Variants in PRDM16 observed in about 807,000 individuals in gnomAD.
PRDM16 encodes PR/SET domain 16.
A neutral mutation model predicts 110.6 loss-of-function variants in PRDM16; 23 were observed. The observed-to-expected ratio is 0.21, with a 90% CI of 0.15 to 0.29. The LOEUF (loss-of-function observed/expected upper bound fraction) is 0.29. Among genes scored for constraint, PRDM16 ranks in the 10% least tolerant of loss-of-function variants. The pLI, the probability that PRDM16 is intolerant of heterozygous loss-of-function variation, is 1.00. For synonymous variants in PRDM16, 799 were observed against 781.8 expected, an observed-to-expected ratio of 1.02 and a Z score of -0.37; for missense variants, 1,615 against 1,794.3, an observed-to-expected ratio of 0.90 and a Z score of 1.81.
chr1:3,187,245 G>A (rs568168273), intron 2 of PRDM16, among the ~76,000 whole-genome samples: 8 of 152,318 alleles, frequency 5.3e-5, no homozygotes, highest in Non-Finnish European at 1.2e-4. Context: ...CTTCCTGGTG[G>A]GCCCTGGCCC....
chr1:3,111,466 T>TGGGGAGGAGGAGGGAGGCGG (rs149780091), intron 1 of PRDM16, among the ~76,000 whole-genome samples: 2 of 105,858 alleles, frequency 1.9e-5, no homozygotes, highest in African/African-American at 3.8e-5. Flanking sequence ...CGGACTCCTG[T>TGGGGAGGAGGAGGGAGGCGG]GGGGAGGAGG....
intron 1 of PRDM16, among the ~76,000 whole-genome samples, chr1:3,104,811 A>C (rs1351641520): frequency 1.3e-5 from 2 of 152,038 alleles, no homozygotes; most frequent in African/African-American, 4.8e-5. Context: ...CCTGAAGGGC[A>C]GGGATGCTTC....
At chr1:3,365,739 T>C (rs1642798207) in intron 3 of PRDM16, among the ~76,000 whole-genome samples, 1 of 152,234 alleles carries the variant, frequency 6.6e-6, no homozygotes, top group Admixed American at 6.5e-5. Context: ...CGGCCTCGTT[T>C]CCATTCTGCA....
intron 1 of PRDM16, among the ~76,000 whole-genome samples, chr1:3,141,381 C>T (rs571328900): frequency 2.6e-5 from 4 of 152,316 alleles, no homozygotes; most frequent in South Asian, 2.1e-4. Context: ...GGAGGAGGGA[C>T]GGGGGAGCCG....
intron 1 of PRDM16, among the ~76,000 whole-genome samples, chr1:3,106,835 G>A (rs1365441943): frequency 6.6e-6 from 1 of 152,170 alleles, no homozygotes; most frequent in Non-Finnish European, 1.5e-5. Flanking sequence ...TGCCCATAGG[G>A]CTGATAGTGC....
intron 1 of PRDM16, among the ~76,000 whole-genome samples, chr1:3,130,883 T>TG (rs1643320684): frequency 6.6e-6 from 1 of 151,638 alleles, no homozygotes; most frequent in African/African-American, 2.4e-5. Flanking sequence ...CCTTGCTCTA[T>TG]GCTCAGGGCT....
chr1:3,194,565 C>T (rs1638407467), intron 2 of PRDM16, among the ~76,000 whole-genome samples: 1 of 151,700 alleles, frequency 6.6e-6, no homozygotes, highest in Non-Finnish European at 1.5e-5. Context: ...CGGCAACTGG[C>T]CACTGTCTCC....
chr1:3,406,028 G>A (rs191749484), intron 8 of PRDM16, among the ~76,000 whole-genome samples: 6 of 152,330 alleles, frequency 3.9e-5, no homozygotes, highest in African/African-American at 9.6e-5. Flanking sequence ...CCAGAAGGGC[G>A]TGCTTCTGTG....
intron 1 of PRDM16, among the ~76,000 whole-genome samples, chr1:3,121,119 C>T (rs917715750): frequency 1.3e-5 from 2 of 151,910 alleles, no homozygotes; most frequent in African/African-American, 4.8e-5. Flanking sequence ...GAGGAGTCAG[C>T]GGAGGCTGAG....
At chr1:3,095,912 G>T (rs1642387120) in intron 1 of PRDM16, among the ~76,000 whole-genome samples, 1 of 152,044 alleles carries the variant, frequency 6.6e-6, no homozygotes, top group Non-Finnish European at 1.5e-5. Context: ...TGGACTCGAG[G>T]TCCGCTCAGC....
At chr1:3,111,621 G>T (rs1642796656) in intron 1 of PRDM16, among the ~76,000 whole-genome samples, 1 of 152,114 alleles carries the variant, frequency 6.6e-6, no homozygotes, top group Admixed American at 6.5e-5. Context: ...CCCAGCGCAC[G>T]GAAAGGAGGC....
chr1:3,182,065 C>T (rs72846846), intron 1 of PRDM16, among the ~76,000 whole-genome samples: 9,743 of 152,318 alleles, frequency 0.064, 438 homozygotes, highest in East Asian at 0.2. Context: ...CACATTCACA[C>T]GCACTCTGGG....
At chr1:3,283,232 A>T (rs567087934) in intron 3 of PRDM16, among the ~76,000 whole-genome samples, 60 of 152,150 alleles carry the variant, frequency 3.9e-4, no homozygotes, top group Non-Finnish European at 7.5e-4. Flanking sequence ...GCTGCCCATT[A>T]GAGGCGGGGC....
At chr1:3,162,734 C>G (rs1384264786) in intron 1 of PRDM16, among the ~76,000 whole-genome samples, 1 of 152,250 alleles carries the variant, frequency 6.6e-6, no homozygotes, top group Non-Finnish European at 1.5e-5. Context: ...CCTTCACCCT[C>G]CAGTCCTCCT....
rs75214661 is a variant in PRDM16 at position 3,154,037 on chromosome 1, G to A, written c.38-32088G>A. Among the ~76,000 whole-genome samples, 219 of 152,290 alleles carry A rather than the reference G, an allele frequency of 1.4e-3. 4 individuals are homozygous for A. In the East Asian group the frequency reaches 0.038, roughly 26 times the overall value. On this transcript the variant is annotated intron_variant, in intron 1 of 16. Coordinates refer to ENST00000270722, the MANE Select transcript of PRDM16 (RefSeq NM_022114.4). ...AATACAGTAAAATCAGCCCAGGGAC[G>A]GCGCTCCCCTTCCCGTGCACTCTCC...
rs1326495343 is a variant in PRDM16, at chr1:3,425,526, C to G, written c.2940-55C>G. On this transcript the variant is annotated intron_variant, in intron 12 of 16. Transcript: ENST00000270722. The surrounding 1 kb of genome is among the most constrained non-coding windows in gnomAD (Gnocchi z 6.9). The stretch of plus-strand genomic sequence containing the variant: ...TCCCTTCCCCCCACCCTCTGTGGCC[C>G]GGCCTGCCATGCAGAGCCGGGGCCT... 11 of 1,573,354 alleles carry G rather than the reference C, an allele frequency of 7.0e-6. No homozygotes were observed. The highest frequency in any genetic ancestry group is 1.4e-5 in the African/African-American group (1 of 73,862).
chr1:3,381,982 C>A (rs761817781), intron 3 of PRDM16, among the ~76,000 whole-genome samples: 1 of 152,168 alleles, frequency 6.6e-6, no homozygotes, highest in Non-Finnish European at 1.5e-5. Flanking sequence ...GGAGGGGGGG[C>A]CTCGTGGGTC....
chr1:3,135,325 C>T (rs1275007545), intron 1 of PRDM16, among the ~76,000 whole-genome samples: 1 of 152,196 alleles, frequency 6.6e-6, no homozygotes, highest in African/African-American at 2.4e-5. Context: ...ACGTGAGGCC[C>T]TTCATCGTAC....
chr1:3,403,936 C>T (rs1353645483), intron 6 of PRDM16, among the ~76,000 whole-genome samples: 2 of 152,206 alleles, frequency 1.3e-5, no homozygotes, highest in Non-Finnish European at 2.9e-5. Context: ...AGAAAATAAA[C>T]GTTTGGGCAA....
Sources: allele counts gnomAD v4.1 joint callset (sites outside exome capture counted in the v4.1 genomes callset), GRCh38; gene constraint gnomAD v4.1.1; non-coding constraint Gnocchi (gnomAD v3.1); transcripts MANE v1.5; gene names NCBI Gene and HGNC (gene_info 2026-07-23, HGNC 2026-07-21).